The following CDC25C variants were observed in gnomAD, a reference collection of about 807,000 sequenced individuals.
The protein encoded by CDC25C is cell division cycle 25C.
In CDC25C, 48 loss-of-function variants were observed where a neutral mutation model predicts 52.5. That is an observed-to-expected ratio of 0.91 (90% CI 0.72 to 1.16). CDC25C has a LOEUF of 1.16. Among genes scored for constraint, CDC25C ranks in the 50% most tolerant of loss-of-function variants. The pLI is 0.00. For missense variants in CDC25C, 510 were observed against 566.1 expected, an observed-to-expected ratio of 0.90 and a Z score of 1.01; for synonymous variants, 187 against 206.5, an observed-to-expected ratio of 0.91 and a Z score of 0.81.
At chr5:138,300,467 G>C (rs1343122691) in intron 7 of CDC25C, among the ~76,000 whole-genome samples, 9 of 152,002 alleles carry the variant, frequency 5.9e-5, no homozygotes, top group Admixed American at 2.0e-4. Flanking sequence ...GGAGGCTGAG[G>C]CAGGAGGATT....
chr5:138,317,811 A>G (rs1379594449), intron 7 of CDC25C, among the ~76,000 whole-genome samples: 1 of 152,060 alleles, frequency 6.6e-6, no homozygotes, highest in East Asian at 1.9e-4. Flanking sequence ...TATCAGTGAT[A>G]TGGGAAAGAA....
chr5:138,295,734 T>C (rs904245889), intron 7 of CDC25C, among the ~76,000 whole-genome samples: 22 of 151,940 alleles, frequency 1.4e-4, no homozygotes, highest in African/African-American at 4.8e-4. Context: ...ATAATGAAGA[T>C]GGTACTTTAG....
At chr5:138,333,207 A>G (rs965536829), upstream of CDC25C, among the ~76,000 whole-genome samples, 3 of 152,212 alleles carry the variant, frequency 2.0e-5, no homozygotes, top group African/African-American at 7.2e-5. Context: ...ATAACCTTGG[A>G]AGCTCTTTAA....
intron 13 of CDC25C, 21 bp from the exon 14 acceptor site, chr5:138,285,862 T>C (rs1207982674): frequency 1.2e-6 from 2 of 1,613,080 alleles, no homozygotes; most frequent in South Asian, 2.2e-5. Flanking sequence ...AGGAACAGAG[T>C]AAGGGATTCT....
rs907033621 is a variant in CDC25C, at chr5:138,314,603, C to CT, written c.615+4615dup. On this transcript the variant is annotated intron_variant, in intron 7 of 13. Coordinates refer to ENST00000323760, the MANE Select transcript of CDC25C (RefSeq NM_001790.5). ...GAGTCACCGCTCCCAGCCTATAGCACTTTTTTTTTTTTTTTTTTTTTTGAG... is the reference window on the plus strand; with the variant it reads ...GAGTCACCGCTCCCAGCCTATAGCACTTTTTTTTTTTTTTTTTTTTTTTGAG... Among the ~76,000 whole-genome samples the CT allele has an allele frequency of 7.3e-3, 841 of 114,688 alleles. 20 individuals carry two copies. The highest frequency in any genetic ancestry group is 0.02 in the East Asian group (80 of 3,934). The allele number at this position is 114,688 out of a possible 152,430, so 75.2% of individuals were successfully genotyped here.
At chr5:138,294,470 G>A (rs1757016807) in intron 7 of CDC25C, among the ~76,000 whole-genome samples, 2 of 144,916 alleles carry the variant, frequency 1.4e-5, no homozygotes, top group Admixed American at 1.4e-4. Context: ...GATTACAAGT[G>A]TGAGCCACCG....
intron 7 of CDC25C, among the ~76,000 whole-genome samples, chr5:138,294,879 C>T (rs1277846497): frequency 6.6e-6 from 1 of 151,160 alleles, no homozygotes; most frequent in Non-Finnish European, 1.5e-5. Context: ...GAACTCCTGA[C>T]CTCAGGTGAT....
chr5:138,331,449 A>G (rs1269052735), intron 1 of CDC25C, 146 bp downstream of exon 1: 6 of 613,934 alleles, frequency 9.8e-6, no homozygotes, highest in South Asian at 2.6e-5. Flanking sequence ...ACAGCTCGAG[A>G]CTCCTGACTA....
At chr5:138,328,774 G>T in intron 3 of CDC25C, 7 of 283,882 alleles carry the variant, frequency 2.5e-5, no homozygotes, top group East Asian at 5.9e-5. Flanking sequence ...TACCTATGGA[G>T]TTTTTTTTTT....
At chr5:138,330,839 G>A (rs1396733676) in intron 2 of CDC25C, 148 bp downstream of exon 2, 11 of 615,370 alleles carry the variant, frequency 1.8e-5, no homozygotes, top group East Asian at 1.4e-4. Flanking sequence ...AAAAGAAGGT[G>A]AGACTCAAAA....
chr5:138,317,192 C>A (rs1758943705), intron 7 of CDC25C, among the ~76,000 whole-genome samples: 1 of 151,856 alleles, frequency 6.6e-6, no homozygotes, highest in South Asian at 2.1e-4. Flanking sequence ...GAGTTCAACA[C>A]TGCACTCCAG....
At position 138,306,895 on chromosome 5, in the gene CDC25C, G is replaced by A. The variant is rs922821894; in HGVS notation, c.615+12324C>T. ...GTCTCGCTCTGTTGCCCATGCTGGA[G>A]TGCAGCGGCACGATCTCAGCTCACT... On this transcript the variant is annotated intron_variant, in intron 7 of 13. Coordinates refer to ENST00000323760, the MANE Select transcript of CDC25C (RefSeq NM_001790.5). 4.0e-5 allele frequency among the ~76,000 whole-genome samples: 6 copies of A among 151,328 alleles called. No individual in the cohort carries two copies. In the East Asian group the frequency reaches 1.2e-3, roughly 29 times the overall value.
exon 1 of CDC25C, chr5:138,338,045 C>G (rs777468451): frequency 7.8e-7 from 1 of 1,289,600 alleles, no homozygotes; most frequent in Non-Finnish European, 1.0e-6. Flanking sequence ...GGGGGTGACT[C>G]GTTAGTGAGG....
rs944308316 is a variant in CDC25C at position 138,326,352 on chromosome 5, AT to A, written c.336-299del. Among the ~76,000 whole-genome samples, 92 of 147,110 alleles carry A rather than the reference AT, an allele frequency of 6.3e-4. No individual in the cohort carries two copies. In the South Asian group the frequency reaches 0.01, roughly 16 times the overall value. ...TTTCCAGCACAGTGTATTGGGGCTA[AT>A]TTTTTTTTTTTGAGACGGAATCTGG... On this transcript the variant is annotated intron_variant, in intron 4 of 13. Transcript: ENST00000323760.
At chr5:138,312,984 T>C (rs1758563584) in intron 7 of CDC25C, among the ~76,000 whole-genome samples, 1 of 151,792 alleles carries the variant, frequency 6.6e-6, no homozygotes, top group Non-Finnish European at 1.5e-5. Context: ...TTATATGAGG[T>C]ACCTAGAGCA....
chr5:138,325,235 G>A (rs550875714), intron 6 of CDC25C, among the ~76,000 whole-genome samples: 1 of 152,120 alleles, frequency 6.6e-6, no homozygotes, highest in Non-Finnish European at 1.5e-5. Flanking sequence ...GGGATGGGAG[G>A]CAGGGAAGAA....
exon 1 of CDC25C, chr5:138,338,248 G>T (rs1422333893): frequency 8.7e-7 from 1 of 1,146,238 alleles, no homozygotes; most frequent in Non-Finnish European, 1.2e-6. Flanking sequence ...AGGGCACCGT[G>T]GGGCGAACCG....
chr5:138,331,503 C>T, intron 1 of CDC25C, 92 bp downstream of exon 1: 1 of 986,316 alleles, frequency 1.0e-6, no homozygotes, highest in Non-Finnish European at 1.3e-6. Flanking sequence ...CCCATTCGGC[C>T]CTCCCAACCT....
Position 138,331,669 on chromosome 5 carries a change from A to G in CDC25C, c.-113T>C, listed in dbSNP as rs971772522. The G allele has an allele frequency of 1.0e-5, 10 of 994,220 alleles. No individual in the cohort carries two copies. In the African/African-American group the frequency reaches 1.7e-4, roughly 17 times the overall value. 61.6% of individuals were successfully genotyped at this position (994,220 alleles called of 1,614,324 possible). Reference sequence around the variant, plus strand: ...GGGATCGGACACAGGCGAAGACTTGAGCAGAATGAAAGGAAATCTAGGGGA... The same window carrying G: ...GGGATCGGACACAGGCGAAGACTTGGGCAGAATGAAAGGAAATCTAGGGGA... On this transcript the variant is annotated 5_prime_UTR_variant, in exon 1 of 14. Transcript: ENST00000323760.
Sources: allele counts gnomAD v4.1 joint callset (sites outside exome capture counted in the v4.1 genomes callset), GRCh38; gene constraint gnomAD v4.1.1; transcripts MANE v1.5; gene names NCBI Gene and HGNC (gene_info 2026-07-23, HGNC 2026-07-21).